SDK1: variants seen among roughly 807,000 people sequenced by gnomAD.
SDK1 encodes the protein protein sidekick-1.
SDK1 carries 157 observed loss-of-function variants against 245.5 expected under a neutral mutation model. The observed-to-expected ratio is 0.64, with a 90% CI of 0.56 to 0.73. SDK1 has a LOEUF of 0.73. Among genes scored for constraint, SDK1 ranks in the 30% least tolerant of loss-of-function variants. The pLI is 0.00. For synonymous variants in SDK1, 1,647 were observed against 1,278.5 expected, an observed-to-expected ratio of 1.29 and a Z score of -6.15; for missense variants, 3,583 against 3,002.3, an observed-to-expected ratio of 1.19 and a Z score of -4.52.
At position 3,731,522 on chromosome 7, in the gene SDK1, T is replaced by G. The variant is rs748461021; in HGVS notation, c.713+89417T>G. Among the ~76,000 whole-genome samples, 6 of 152,204 alleles carry G rather than the reference T, an allele frequency of 3.9e-5. No homozygotes were observed. The East Asian group carries it at 7.7e-4, about 20-fold the overall frequency. ...TGCTATTCTTTCATGTTTAGTAGTG[T>G]CGCTTTGTAGCAACACGTTATGTCT... On this transcript the variant is annotated intron_variant, in intron 4 of 44. Coordinates refer to ENST00000404826, the MANE Select transcript of SDK1 (RefSeq NM_152744.4).
At chr7:3,592,574 T>G (rs2128636019) in intron 1 of SDK1, among the ~76,000 whole-genome samples, 1 of 152,318 alleles carries the variant, frequency 6.6e-6, no homozygotes, top group East Asian at 1.9e-4. Flanking sequence ...ATTTATTTAT[T>G]TTTCCCTGAG....
chr7:3,487,772 A>G (rs73308001), intron 1 of SDK1, among the ~76,000 whole-genome samples: 4,566 of 150,768 alleles, frequency 0.03, 271 homozygotes, highest in African/African-American at 0.11. Flanking sequence ...AAAAAAAAAA[A>G]AAAAGAAAAG....
At position 3,951,915 on chromosome 7, in the gene SDK1, T is replaced by C. The variant is rs577440383; in HGVS notation, c.1145T>C (p.Ile382Thr). ...GCCAGGGCGACGGCCTTTCTTTTCA[T>C]CATAGGTAATGCGGGAGCCTCTAAG... ...EPARATAFLF[I>T]IEPPYFTAEP... The change falls in exon 7 of 45, where the codon ATC becomes ACC. Residue 382 changes from isoleucine to threonine, a missense_variant. Coordinates refer to ENST00000404826, the MANE Select transcript of SDK1 (RefSeq NM_152744.4). 6.2e-7 allele frequency: 1 copy of C among 1,612,288 alleles called. No individual in the cohort carries two copies. Among genetic ancestry groups the C allele is most frequent in the Non-Finnish European group, 8.5e-7 (1 of 1,179,804 alleles).
At chr7:3,683,764 C>G (rs115909535) in intron 4 of SDK1, among the ~76,000 whole-genome samples, 5 of 152,314 alleles carry the variant, frequency 3.3e-5, no homozygotes, top group African/African-American at 4.8e-5. Context: ...GCCTTAGACA[C>G]ATGCATTACA....
At chr7:4,036,861 T>G (rs140084528) in intron 17 of SDK1, among the ~76,000 whole-genome samples, 1 of 152,312 alleles carries the variant, frequency 6.6e-6, no homozygotes, top group Non-Finnish European at 1.5e-5. Flanking sequence ...TAAATGTTTG[T>G]TGTTTATGTG....
chr7:3,960,017 A>G (rs535927166), intron 8 of SDK1, among the ~76,000 whole-genome samples: 1 of 152,280 alleles, frequency 6.6e-6, no homozygotes, highest in South Asian at 2.1e-4. Flanking sequence ...AACGAAAAGG[A>G]TCTTTTCTCT....
intron 2 of SDK1, among the ~76,000 whole-genome samples, chr7:3,638,228 G>C (rs1782530511): frequency 6.6e-6 from 1 of 152,172 alleles, no homozygotes; most frequent in Non-Finnish European, 1.5e-5. Context: ...ACAGGTATCA[G>C]TGCGATAATC....
intron 2 of SDK1, among the ~76,000 whole-genome samples, chr7:3,633,111 G>A (rs1041379660): frequency 5.9e-5 from 9 of 151,864 alleles, no homozygotes; most frequent in Middle Eastern, 3.4e-3. Context: ...ATAGGCTTTG[G>A]TCCAAGGTAT....
Position 3,974,494 on chromosome 7 carries a change from A to G in SDK1, c.1943A>G (p.Glu648Gly). Residue 648 changes from glutamate (E) to glycine (G), a missense_variant, in exon 13 of 45, where the codon GAG (glutamate) becomes GGG (glycine). Transcript: ENST00000404826. ...GGCGACATCGGTGACTACAGCTGCG[A>G]GATTGTTTCTGAAGGAGGGAATGAC... ...WSGDIGDYSC[E>G]IVSEGGNDSR... 1.9e-6 allele frequency: 3 copies of G among 1,614,080 alleles called. No individual in the cohort carries two copies. The highest frequency in any genetic ancestry group is 2.5e-6 in the Non-Finnish European group (3 of 1,180,018).
chr7:3,513,970 C>T (rs1782656797), intron 1 of SDK1, among the ~76,000 whole-genome samples: 1 of 152,198 alleles, frequency 6.6e-6, no homozygotes, highest in Non-Finnish European at 1.5e-5. Flanking sequence ...ATTTTATTCT[C>T]TTTTATGGCT....
At chr7:4,073,768 A>C (rs898529194) in intron 20 of SDK1, among the ~76,000 whole-genome samples, 1 of 152,196 alleles carries the variant, frequency 6.6e-6, no homozygotes, top group Non-Finnish European at 1.5e-5. Flanking sequence ...CTCGTGCACC[A>C]TGAGAAACAA....
At chr7:3,499,541 A>C (rs187860004) in intron 1 of SDK1, among the ~76,000 whole-genome samples, 57 of 152,344 alleles carry the variant, frequency 3.7e-4, no homozygotes, top group African/African-American at 1.3e-3. Context: ...TCAGCCTCAG[A>C]GGTAAACACG....
intron 26 of SDK1, among the ~76,000 whole-genome samples, chr7:4,128,999 C>G (rs1196481212): frequency 7.6e-6 from 1 of 132,308 alleles, no homozygotes; most frequent in African/African-American, 2.9e-5. Flanking sequence ...GGTGGGGTGC[C>G]CTGGAGGAGA....
intron 1 of SDK1, among the ~76,000 whole-genome samples, chr7:3,507,415 G>C (rs998275259): frequency 1.3e-5 from 2 of 151,974 alleles, no homozygotes; most frequent in Non-Finnish European, 2.9e-5. Flanking sequence ...GTGCTTTTTT[G>C]GGGTAGCCAG....
intron 1 of SDK1, among the ~76,000 whole-genome samples, chr7:3,612,452 G>C (rs753655719): frequency 6.6e-6 from 1 of 151,950 alleles, no homozygotes; most frequent in Non-Finnish European, 1.5e-5. Flanking sequence ...TAAATTCCTG[G>C]CTTCAATAGG....
chr7:3,494,940 G>C (rs905480662), intron 1 of SDK1, among the ~76,000 whole-genome samples: 3 of 152,174 alleles, frequency 2.0e-5, no homozygotes, highest in African/African-American at 7.2e-5. Context: ...CCTCCCTCTT[G>C]AGTTACAAGC....
In SDK1 at chr7:3,759,649, G is replaced by T. The variant is rs185086599; in HGVS notation, c.714-61801G>T. Among the ~76,000 whole-genome samples the T allele has an allele frequency of 3.5e-3, 529 of 150,816 alleles. 3 individuals carry two copies. The highest frequency in any genetic ancestry group is 0.016 in the South Asian group (76 of 4,740). ...AATTTTGCTCTTGTCGCCCAGGCTG[G>T]AGTGCAGCCTTAGCTCATTGCAACC... On this transcript the variant is annotated intron_variant, in intron 4 of 44. Coordinates refer to ENST00000404826, the MANE Select transcript of SDK1 (RefSeq NM_152744.4).
At chr7:3,436,861 C>T (rs1780035932) in intron 1 of SDK1, among the ~76,000 whole-genome samples, 1 of 152,128 alleles carries the variant, frequency 6.6e-6, no homozygotes, top group African/African-American at 2.4e-5. Flanking sequence ...TCTACCCTCC[C>T]CAAGAACCTA....
intron 22 of SDK1, among the ~76,000 whole-genome samples, chr7:4,098,824 CTTTTTT>C (rs58678214): frequency 2.4e-5 from 2 of 82,852 alleles, no homozygotes; most frequent in Non-Finnish European, 4.3e-5. Context: ...CCACAATGCC[CTTTTTT>C]TTTTTTTTTT....
Sources: allele counts gnomAD v4.1 joint callset (sites outside exome capture counted in the v4.1 genomes callset), GRCh38; gene constraint gnomAD v4.1.1; transcripts MANE v1.5; gene names NCBI Gene and HGNC (gene_info 2026-07-23, HGNC 2026-07-21).